PCSK5: variants seen among roughly 807,000 people sequenced by gnomAD.
The protein encoded by PCSK5 is prohormone convertase 5.
A neutral mutation model predicts 233.2 loss-of-function variants in PCSK5; 129 were observed. The observed-to-expected ratio is 0.55, with a 90% confidence interval of 0.48 to 0.64. The LOEUF is 0.64. Ranked by LOEUF, PCSK5 falls within the 30% of genes least tolerant of loss-of-function variation. PCSK5 has a pLI of 0.00. For synonymous variants in PCSK5, 825 were observed against 879.2 expected (o/e 0.94, Z 1.09); for missense variants, 2,076 against 2,430.1 (o/e 0.85, Z 3.06).
intron 3 of PCSK5, among the ~76,000 whole-genome samples, chr9:75,997,316 A>G (rs1563962872): frequency 6.6e-6 from 1 of 152,220 alleles, no homozygotes; most frequent in Non-Finnish European, 1.5e-5. Context: ...TAGGAAATTC[A>G]TGGAGTAAAA....
chr9:76,191,371 A>T (rs1373572006), intron 20 of PCSK5, among the ~76,000 whole-genome samples: 1 of 152,204 alleles, frequency 6.6e-6, no homozygotes, highest in African/African-American at 2.4e-5. Context: ...GAATGCTGTC[A>T]TTCATACCTG....
intron 9 of PCSK5, among the ~76,000 whole-genome samples, chr9:76,110,315 G>A (rs1238245426): frequency 6.6e-6 from 1 of 152,172 alleles, no homozygotes; most frequent in Non-Finnish European, 1.5e-5. Context: ...TGAACTGCAT[G>A]TCCTAGCTAT....
rs145735772 is a variant in PCSK5 at position 76,102,640 on chromosome 9, A to G, written c.1108-4611A>G. Among the ~76,000 whole-genome samples the G allele has an allele frequency of 5.9e-5, 9 of 152,276 alleles. No individual in the cohort carries two copies. In the South Asian group the frequency reaches 8.3e-4, roughly 14 times the overall value. On this transcript the variant is annotated intron_variant, in intron 8 of 37. Coordinates refer to ENST00000674117, the MANE Select transcript of PCSK5 (RefSeq NM_001372043.1). ...ATCTAAAACACCTCTGGTCCCAACT[A>G]TTTTGGGTAAGGGATACGCAACCTG...
At position 76,323,173 on chromosome 9, in the gene PCSK5, C is replaced by T; in HGVS notation, c.4224C>T (p.Pro1408=). 6.2e-7 allele frequency: 1 copy of T among 1,612,618 alleles called. No homozygotes were observed. The highest frequency in any genetic ancestry group is 8.5e-7 in the Non-Finnish European group (1 of 1,179,718). ...CHKDCLECSG[P]KADDCELCLE... is the part of the protein sequence containing the mutation. ...AAGACTGTCTGGAGTGCAGTGGCCC[C>T]AAAGCCGACGACTGCGAGCTCTGTC... Residue 1408 remains proline, a synonymous_variant, in exon 32 of 38, where the codon CCC becomes CCT. Transcript: ENST00000674117.
chr9:76,255,796 T>C (rs951291373), intron 24 of PCSK5, among the ~76,000 whole-genome samples: 3 of 151,962 alleles, frequency 2.0e-5, no homozygotes, highest in African/African-American at 7.2e-5. Context: ...GATGGCACCA[T>C]GGCACTCCAG....
At chr9:76,280,220 G>C (rs1397284380) in intron 24 of PCSK5, among the ~76,000 whole-genome samples, 6 of 152,188 alleles carry the variant, frequency 3.9e-5, no homozygotes, top group African/African-American at 1.2e-4. Flanking sequence ...CACCATGTGA[G>C]ATGGAACTTA....
intron 20 of PCSK5, among the ~76,000 whole-genome samples, chr9:76,213,591 A>G (rs1237407135): frequency 6.6e-6 from 1 of 151,998 alleles, no homozygotes; most frequent in Non-Finnish European, 1.5e-5. Flanking sequence ...CTGTCTTTCA[A>G]TTCATTTAGT....
intron 7 of PCSK5, 30 bp from the exon 8 acceptor site, chr9:76,095,860 C>T: frequency 1.3e-6 from 2 of 1,597,184 alleles, no homozygotes; most frequent in Non-Finnish European, 1.7e-6. Flanking sequence ...CATTTCACAC[C>T]ATCATTTAGC....
At chr9:76,302,379 A>T (rs1828638337) in intron 28 of PCSK5, among the ~76,000 whole-genome samples, 162 bp downstream of exon 28, 1 of 152,172 alleles carries the variant, frequency 6.6e-6, no homozygotes, top group Non-Finnish European at 1.5e-5. Context: ...GGCAATAAAC[A>T]CAACATATCA....
intron 13 of PCSK5, among the ~76,000 whole-genome samples, chr9:76,173,571 T>C (rs1310190747): frequency 7.2e-6 from 1 of 138,220 alleles, no homozygotes; most frequent in Non-Finnish European, 1.5e-5. Flanking sequence ...AGCTAAGAAA[T>C]AAGTTAACAA....
Position 76,134,045 on chromosome 9 carries a change from G to T in PCSK5, c.1209-64G>T. On this transcript the variant is annotated intron_variant, in intron 9 of 37. Transcript: ENST00000674117. ...GATTTTGCTTTTTTAATTTGCTTGT[G>T]ACTCTCTGCTTCCCCCATCTTTTTT... The T allele has an allele frequency of 3.8e-6, 4 of 1,058,980 alleles. No homozygotes were observed. In the South Asian group the frequency reaches 5.6e-5, roughly 15 times the overall value. The allele number at this position is 1,058,980 out of a possible 1,614,324, so 65.6% of individuals were successfully genotyped here.
intron 5 of PCSK5, among the ~76,000 whole-genome samples, chr9:76,049,007 C>G (rs777807313): frequency 6.6e-6 from 1 of 151,822 alleles, no homozygotes; most frequent in Non-Finnish European, 1.5e-5. Context: ...ATCCTTTATG[C>G]CTAGAAATTA....
At chr9:76,226,409 G>T (rs1825893459) in intron 20 of PCSK5, among the ~76,000 whole-genome samples, 1 of 152,208 alleles carries the variant, frequency 6.6e-6, no homozygotes. Flanking sequence ...CACCAGTCAA[G>T]TCTAGGTTTC....
At chr9:76,210,258 C>T (rs979702888) in intron 20 of PCSK5, among the ~76,000 whole-genome samples, 1 of 152,104 alleles carries the variant, frequency 6.6e-6, no homozygotes, top group Non-Finnish European at 1.5e-5. Flanking sequence ...TGGAGTTCAA[C>T]GTCGTGGAGA....
intron 3 of PCSK5, among the ~76,000 whole-genome samples, chr9:76,004,731 A>G (rs1033867564): frequency 6.6e-6 from 1 of 152,118 alleles, no homozygotes; most frequent in East Asian, 1.9e-4. Context: ...AATTGGCCCT[A>G]GTTTGATGAG....
rs1313916693 is a variant in PCSK5 at position 76,280,067 on chromosome 9, C to A, written c.3143-12166C>A. Among the ~76,000 whole-genome samples the A allele has an allele frequency of 2.6e-5, 4 of 152,282 alleles. No homozygotes were observed. The East Asian group carries it at 5.8e-4, about 22-fold the overall frequency. On this transcript the variant is annotated intron_variant, in intron 24 of 37. Coordinates refer to ENST00000674117, the MANE Select transcript of PCSK5 (RefSeq NM_001372043.1). Reference sequence around the variant, plus strand: ...CACAAGCCTGTCTCTACCACTCCTCCAATAGCACATCCTCACTTTGTGTCT... The same window carrying A: ...CACAAGCCTGTCTCTACCACTCCTCAAATAGCACATCCTCACTTTGTGTCT...
intron 21 of PCSK5, among the ~76,000 whole-genome samples, chr9:76,230,317 G>A (rs1167739037): frequency 6.6e-6 from 1 of 152,164 alleles, no homozygotes; most frequent in East Asian, 1.9e-4. Context: ...TGGACATGGA[G>A]GGAATGGTTT....
chr9:75,905,224 G>T (rs1218406620), intron 1 of PCSK5, among the ~76,000 whole-genome samples: 1 of 152,144 alleles, frequency 6.6e-6, no homozygotes, highest in Non-Finnish European at 1.5e-5. Flanking sequence ...AAAATAGATT[G>T]TTGACCTGGC....
At chr9:75,973,223 C>T (rs1587442190) in intron 2 of PCSK5, among the ~76,000 whole-genome samples, 1 of 152,138 alleles carries the variant, frequency 6.6e-6, no homozygotes, top group Non-Finnish European at 1.5e-5. Flanking sequence ...TTTCTCTACC[C>T]ATTGGAAGTC....
Sources: gnomAD v4.1 joint callset for allele counts (sites outside exome capture counted in the v4.1 genomes callset) on GRCh38, gnomAD v4.1.1 for gene constraint, MANE v1.5 for transcripts, NCBI Gene and HGNC (gene_info 2026-07-23, HGNC 2026-07-21) for gene names.